The following RPS6KA2 variants were observed in gnomAD, a reference collection of about 807,000 sequenced individuals.
RPS6KA2 encodes ribosomal protein S6 kinase alpha-2.
Under a neutral mutation model 91.8 loss-of-function variants are expected in RPS6KA2, and 42 were observed. The observed-to-expected ratio is 0.46, with a 90% CI of 0.36 to 0.59. The LOEUF (loss-of-function observed/expected upper bound fraction) is 0.59, where lower values mean the gene tolerates loss of function less well. RPS6KA2 is among the 20% of genes least tolerant of loss of function. The probability of loss-of-function intolerance (pLI) is 0.00; values close to 1 mark genes in which losing one functional copy is unlikely to be tolerated. For synonymous variants in RPS6KA2, 414 were observed against 393.6 expected (o/e 1.05, Z -0.61); for missense variants, 798 against 978.5 (o/e 0.82, Z 2.46).
Position 166,818,014 on chromosome 6 carries a change from C to CGCCCG in RPS6KA2, c.123+40181_123+40185dup, listed in dbSNP as rs1779814225. On this transcript the variant is annotated intron_variant, in intron 2 of 21. Coordinates refer to the RPS6KA2 transcript ENST00000503859. ...ATAACATTATAGGTGTGAGCCACTG[C>CGCCCG]GCCCGGCCCGGCCAAACCTTTTGAA... is the stretch of plus-strand genomic sequence containing the variant. Among the ~76,000 whole-genome samples the CGCCCG allele has an allele frequency of 3.9e-5, 6 of 152,218 alleles. 1 individual carries two copies. The South Asian group carries it at 1.2e-3, about 32-fold the overall frequency.
intron 17 of RPS6KA2, among the ~76,000 whole-genome samples, chr6:166,420,159 G>GTAAAC (rs147150067): frequency 0.019 from 2,840 of 152,276 alleles, 88 homozygotes; most frequent in African/African-American, 0.064. Context: ...CAGCCACATG[G>GTAAAC]TAAACTAGTA....
At chr6:166,675,195 T>G (rs2128562624) in intron 2 of RPS6KA2, among the ~76,000 whole-genome samples, 1 of 152,296 alleles carries the variant, frequency 6.6e-6, no homozygotes, top group East Asian at 1.9e-4. Flanking sequence ...CCAAGTCTTC[T>G]GCTTAAAAGA....
chr6:166,558,380 G>A (rs551093168), intron 1 of RPS6KA2, among the ~76,000 whole-genome samples: 87 of 152,256 alleles, frequency 5.7e-4, no homozygotes, highest in African/African-American at 2.0e-3. Context: ...TGGTGGAGGA[G>A]GCCTACCCGT....
chr6:166,773,311 C>T (rs989278533), intron 2 of RPS6KA2, among the ~76,000 whole-genome samples: 4 of 152,194 alleles, frequency 2.6e-5, no homozygotes, highest in African/African-American at 9.6e-5. Context: ...GAGGGGCTTT[C>T]CATCACAGGG....
intron 1 of RPS6KA2, among the ~76,000 whole-genome samples, chr6:166,582,425 G>A (rs915207467): frequency 1.3e-5 from 2 of 152,140 alleles, no homozygotes; most frequent in Admixed American, 6.5e-5. Context: ...AACCCATCAC[G>A]CTGACTGTTC....
intron 1 of RPS6KA2, among the ~76,000 whole-genome samples, chr6:166,615,106 T>C (rs1786355847): frequency 6.6e-6 from 1 of 152,164 alleles, no homozygotes; most frequent in African/African-American, 2.4e-5. Flanking sequence ...AGTCCTACTT[T>C]ATTTCCTGCC....
chr6:166,528,017 C>T (rs1042801343), intron 3 of RPS6KA2, among the ~76,000 whole-genome samples: 1 of 152,150 alleles, frequency 6.6e-6, no homozygotes, highest in Non-Finnish European at 1.5e-5. Context: ...CATGAACATT[C>T]CTGTGCTAGT....
rs117204311 is a variant in RPS6KA2, at chr6:166,571,862, T to C, written c.100-33078A>G. 1.5e-3 allele frequency among the ~76,000 whole-genome samples: 236 copies of C among 152,294 alleles called. 7 individuals are homozygous for C. In the East Asian group the frequency reaches 0.04, roughly 26 times the overall value. Reference sequence around the variant, plus strand: ...ATAATCTTGAAACAACTGACTTCCTTTTTAGAATTTTTGGAAAAAAATCAG... The same window carrying C: ...ATAATCTTGAAACAACTGACTTCCTCTTTAGAATTTTTGGAAAAAAATCAG... On this transcript the variant is annotated intron_variant, in intron 1 of 20. Coordinates refer to ENST00000265678, the MANE Select transcript of RPS6KA2 (RefSeq NM_021135.6).
At chr6:166,685,172 C>T (rs7752626) in intron 2 of RPS6KA2, among the ~76,000 whole-genome samples, 835 of 123,436 alleles carry the variant, frequency 6.8e-3, no homozygotes, top group African/African-American at 0.024. Flanking sequence ...GTGCAGGCTG[C>T]GGGGACAGAG....
intron 2 of RPS6KA2, among the ~76,000 whole-genome samples, chr6:166,705,092 T>G (rs1231658090): frequency 6.6e-6 from 1 of 152,208 alleles, no homozygotes; most frequent in Non-Finnish European, 1.5e-5. Context: ...CAGGTCCCCA[T>G]ATCCAACATC....
chr6:166,412,948 C>G lies in RPS6KA2; in HGVS notation c.2077-61G>C. On this transcript the variant is annotated intron_variant, in intron 20 of 20. Transcript: ENST00000265678. This position sits in a 1 kb window ranked among gnomAD's most constrained non-coding sequence, Gnocchi z 4.3. ...CCTCACTCCAGGGGTTGAGCCGGAG[C>G]CCGGGGCCTCCATGGGCCTCAGCTG... 6.8e-7 allele frequency: 1 copy of G among 1,476,898 alleles called. No individual in the cohort carries two copies. The highest frequency in any genetic ancestry group is 9.0e-7 in the Non-Finnish European group (1 of 1,107,540). 91.5% of individuals were successfully genotyped at this position (1,476,898 alleles called of 1,614,324 possible).
At chr6:166,765,509 C>T (rs893265530) in intron 2 of RPS6KA2, among the ~76,000 whole-genome samples, 1 of 152,142 alleles carries the variant, frequency 6.6e-6, no homozygotes, top group Non-Finnish European at 1.5e-5. Flanking sequence ...GACATAGAGG[C>T]TCAATAAATC....
intron 2 of RPS6KA2, among the ~76,000 whole-genome samples, chr6:166,779,569 C>T (rs1283525032): frequency 6.6e-6 from 1 of 152,168 alleles, no homozygotes; most frequent in Non-Finnish European, 1.5e-5. Flanking sequence ...AACCAGTAAC[C>T]CATGTGCCGG....
At chr6:166,764,105 G>T (rs778274330) in intron 2 of RPS6KA2, among the ~76,000 whole-genome samples, 1 of 152,200 alleles carries the variant, frequency 6.6e-6, no homozygotes, top group Non-Finnish European at 1.5e-5. Context: ...GCCTTGCATC[G>T]CTGCCGGCTC....
At chr6:166,708,648 G>A (rs930848228) in intron 2 of RPS6KA2, among the ~76,000 whole-genome samples, 9 of 152,162 alleles carry the variant, frequency 5.9e-5, no homozygotes, top group Admixed American at 1.3e-4. Context: ...TTACACACCC[G>A]CTGAGAGTTC....
At chr6:166,638,843 C>G (rs566275878) in intron 2 of RPS6KA2, among the ~76,000 whole-genome samples, 1 of 152,142 alleles carries the variant, frequency 6.6e-6, no homozygotes, top group Non-Finnish European at 1.5e-5. Flanking sequence ...ATTACCAAGA[C>G]GTGTCCATCA....
intron 2 of RPS6KA2, among the ~76,000 whole-genome samples, chr6:166,714,906 C>T (rs114386066): frequency 3.3e-5 from 5 of 152,336 alleles, no homozygotes; most frequent in African/African-American, 1.2e-4. Flanking sequence ...CTGTGCTGGG[C>T]CCGTATTCTG....
chr6:166,599,292 C>T (rs560655343), intron 1 of RPS6KA2, among the ~76,000 whole-genome samples: 1 of 152,298 alleles, frequency 6.6e-6, no homozygotes, highest in South Asian at 2.1e-4. Flanking sequence ...GAAATATGTG[C>T]TGATTTCCTT....
At position 166,493,450 on chromosome 6, in the gene RPS6KA2, T is replaced by C. The variant is rs1030285202; in HGVS notation, c.748-2709A>G. ...TGGGACGTTATTTACAGTAAGACTT[T>C]TGCTGTGTTGCTGAGCAGCACTGAG... On this transcript the variant is annotated intron_variant, in intron 8 of 20. Coordinates refer to ENST00000265678, the MANE Select transcript of RPS6KA2 (RefSeq NM_021135.6). The surrounding 1 kb of genome is among the most constrained non-coding windows in gnomAD (Gnocchi z 4.7). Among the ~76,000 whole-genome samples the C allele has an allele frequency of 6.6e-6, 1 of 152,178 alleles. No homozygotes were observed. The highest frequency in any genetic ancestry group is 2.4e-5 in the African/African-American group (1 of 41,442).
Sources: allele counts gnomAD v4.1 joint callset (sites outside exome capture counted in the v4.1 genomes callset), GRCh38; gene constraint gnomAD v4.1.1; non-coding constraint Gnocchi (gnomAD v3.1); transcripts MANE v1.5; gene names NCBI Gene and HGNC (gene_info 2026-07-23, HGNC 2026-07-21).